Variants in NUP37 observed in about 807,000 individuals in gnomAD.
The protein encoded by NUP37 is nucleoporin 37, also known as nucleoporin Nup37.
NUP37 carries 33 observed loss-of-function variants against 45.4 expected under a neutral mutation model. The ratio of observed to expected loss-of-function variants is 0.73; its 90% CI spans 0.55 to 0.97. The LOEUF (loss-of-function observed/expected upper bound fraction) is 0.97. Among genes scored for constraint, NUP37 ranks in the 50% least tolerant of loss-of-function variants. The pLI is 0.00. For missense variants in NUP37, 365 were observed against 389.7 expected, an observed-to-expected ratio of 0.94 and a Z score of 0.53; for synonymous variants, 127 against 130.7, an observed-to-expected ratio of 0.97 and a Z score of 0.19.
intron 3 of NUP37, among the ~76,000 whole-genome samples, chr12:102,105,514 G>A (rs1196665108): frequency 7.4e-5 from 11 of 149,580 alleles, no homozygotes. Flanking sequence ...TGGGTGACAG[G>A]AGCGAAACCC....
intron 2 of NUP37, among the ~76,000 whole-genome samples, chr12:102,115,533 G>A (rs1033816002): frequency 2.0e-5 from 3 of 152,134 alleles, no homozygotes; most frequent in Admixed American, 6.5e-5. Context: ...TGCTTTATAT[G>A]TAAATATTTC....
chr12:102,104,390 G>A (rs1308188436), intron 3 of NUP37, among the ~76,000 whole-genome samples: 2 of 152,080 alleles, frequency 1.3e-5, no homozygotes, highest in African/African-American at 4.8e-5. Flanking sequence ...TAGGTATATG[G>A]GTTGCAAATA....
At chr12:102,088,414 C>G (rs898310560) in intron 5 of NUP37, among the ~76,000 whole-genome samples, 1 of 152,006 alleles carries the variant, frequency 6.6e-6, no homozygotes, top group Non-Finnish European at 1.5e-5. Context: ...AGAGAATACA[C>G]TCAAAAAGAA....
chr12:102,090,464 AAC>A (rs1249350252), intron 5 of NUP37, among the ~76,000 whole-genome samples: 1 of 152,184 alleles, frequency 6.6e-6, no homozygotes, highest in Non-Finnish European at 1.5e-5. Context: ...TTGCTTAGCA[AAC>A]CACTGGTTGT....
chr12:102,079,349 G>C, intron 6 of NUP37: 1 of 410,634 alleles, frequency 2.4e-6, no homozygotes, highest in Non-Finnish European at 4.9e-6. Context: ...TCATCTAACA[G>C]GCTTTTACTG....
At chr12:102,092,211 T>A (rs1276340129) in intron 5 of NUP37, among the ~76,000 whole-genome samples, 2 of 152,216 alleles carry the variant, frequency 1.3e-5, no homozygotes, top group Non-Finnish European at 1.5e-5. Flanking sequence ...CTACCAAATG[T>A]TTTTTGACAA....
At chr12:102,119,921 T>C (rs927693981) in intron 1 of NUP37, 129 bp downstream of exon 1, 1 of 153,348 alleles carries the variant, frequency 6.5e-6, no homozygotes, top group Admixed American at 6.5e-5. Flanking sequence ...CCAGGCGAGT[T>C]CCTCAAGACC....
intron 3 of NUP37, among the ~76,000 whole-genome samples, chr12:102,102,830 G>A (rs984696908): frequency 1.3e-5 from 2 of 152,110 alleles, no homozygotes; most frequent in Non-Finnish European, 2.9e-5. Context: ...ATACAGTTTT[G>A]CAACATCATT....
chr12:102,079,784 G>A (rs1879280129), intron 6 of NUP37, among the ~76,000 whole-genome samples: 1 of 152,124 alleles, frequency 6.6e-6, no homozygotes, highest in African/African-American at 2.4e-5. Context: ...TGTTAAAAAT[G>A]TGGCACTAAA....
rs145869250 is a variant in NUP37 at position 102,111,459 on chromosome 12, G to C, written c.281+649C>G. 5.9e-3 allele frequency among the ~76,000 whole-genome samples: 898 copies of C among 152,260 alleles called. 11 individuals carry two copies. The highest frequency in any genetic ancestry group is 0.02 in the African/African-American group (842 of 41,548). On this transcript the variant is annotated intron_variant, in intron 3 of 9. Coordinates refer to ENST00000552283, the MANE Select transcript of NUP37 (RefSeq NM_024057.4). ...AATTATCCCTTAATTTAAAAAAAAC[G>C]AAGTTAGCTTAATAGTTGATAACTT...
chr12:102,076,652 TAGTCGGGAAAGTAAA>T, intron 8 of NUP37, 130 bp downstream of exon 8: 1 of 612,562 alleles, frequency 1.6e-6, no homozygotes, highest in Non-Finnish European at 2.9e-6. Flanking sequence ...GGCAATGACT[TAGTCGGGAAAGTAAA>T]ATAACCACTT....
chr12:102,083,911 G>T (rs1879398569), intron 6 of NUP37, among the ~76,000 whole-genome samples: 1 of 152,224 alleles, frequency 6.6e-6, no homozygotes, highest in African/African-American at 2.4e-5. Context: ...TGAGACAGTA[G>T]TGGAGACTGA....
intron 5 of NUP37, among the ~76,000 whole-genome samples, chr12:102,086,466 G>C (rs923950881): frequency 2.0e-5 from 3 of 152,112 alleles, no homozygotes; most frequent in Non-Finnish European, 4.4e-5. Context: ...GCTGGCCATG[G>C]TTGACGATTA....
chr12:102,091,804 T>C (rs1247783157), intron 5 of NUP37, among the ~76,000 whole-genome samples: 1 of 152,192 alleles, frequency 6.6e-6, no homozygotes, highest in Non-Finnish European at 1.5e-5. Context: ...TAAATAGAAC[T>C]CTTAGATTTA....
chr12:102,114,741 C>T (rs1316329087), intron 2 of NUP37, among the ~76,000 whole-genome samples: 1 of 151,970 alleles, frequency 6.6e-6, no homozygotes, highest in African/African-American at 2.4e-5. Context: ...TGCTTGAATC[C>T]CTAGGAGAGC....
rs775237165 is a variant in NUP37, at chr12:102,074,411, G to GA, written c.923dup (p.Leu310SerfsTer16). 6.8e-6 allele frequency: 11 copies of GA among 1,613,214 alleles called. No individual in the cohort carries two copies. Among genetic ancestry groups the GA allele is most frequent in the Non-Finnish European group, 9.3e-6 (11 of 1,179,466 alleles). ...GGTCTCCTCCAATTACACACAGAGG[G>GA]AGAGTTCGATGCCAGGACAGTCCAG... is the stretch of plus-strand genomic sequence containing the variant. On this transcript the variant is annotated frameshift_variant, in exon 10 of 10. Transcript: ENST00000552283. LOFTEE classifies it high-confidence loss of function.
At chr12:102,082,060 AATTCTTTGATCCCGTG>A (rs1367925804) in intron 6 of NUP37, among the ~76,000 whole-genome samples, 1 of 152,078 alleles carries the variant, frequency 6.6e-6, no homozygotes, top group African/African-American at 2.4e-5. Context: ...CCTCAGTCCC[AATTCTTTGATCCCGTG>A]ACATCCTGAA....
intron 4 of NUP37, 132 bp from the exon 5 acceptor site, chr12:102,099,332 T>A: frequency 1.5e-6 from 1 of 662,744 alleles, no homozygotes; most frequent in Non-Finnish European, 2.7e-6. Context: ...TCTTAAGCAA[T>A]CCGCTATTTT....
chr12:102,110,645 C>A (rs1880288455), intron 3 of NUP37, among the ~76,000 whole-genome samples: 1 of 152,182 alleles, frequency 6.6e-6, no homozygotes, highest in African/African-American at 2.4e-5. Context: ...GAGTTTGAGG[C>A]CAGCCTGGGC....
Sources: allele counts gnomAD v4.1 joint callset (sites outside exome capture counted in the v4.1 genomes callset), GRCh38; gene constraint gnomAD v4.1.1; transcripts MANE v1.5; gene names NCBI Gene and HGNC (gene_info 2026-07-23, HGNC 2026-07-21).